The following SRGAP1 variants were observed in gnomAD, a reference collection of about 807,000 sequenced individuals.
SRGAP1 encodes SLIT-ROBO Rho GTPase activating protein 1, also known as SLIT-ROBO Rho GTPase-activating protein 1.
SRGAP1 carries 43 observed loss-of-function variants against 121.9 expected under a neutral mutation model. The ratio of observed to expected loss-of-function variants is 0.35; its 90% CI spans 0.28 to 0.46. The LOEUF is 0.46. Among genes scored for constraint, SRGAP1 ranks in the 20% least tolerant of loss-of-function variants. The probability of loss-of-function intolerance (pLI) is 1.00; values close to 1 mark genes in which losing one functional copy is unlikely to be tolerated. For missense variants in SRGAP1, 1,102 were observed against 1,350.9 expected (o/e 0.82, Z 2.89); for synonymous variants, 447 against 485.4 (o/e 0.92, Z 1.04).
intron 1 of SRGAP1, among the ~76,000 whole-genome samples, chr12:63,925,986 C>T (rs1176230973): frequency 1.3e-5 from 2 of 152,148 alleles, no homozygotes; most frequent in Non-Finnish European, 2.9e-5. Context: ...TCCCTTATTG[C>T]AGGTGAAAAA....
chr12:64,028,287 T>G (rs576863347), intron 4 of SRGAP1, among the ~76,000 whole-genome samples: 2 of 152,372 alleles, frequency 1.3e-5, no homozygotes, highest in Non-Finnish European at 2.9e-5. Flanking sequence ...GTATGAAAAC[T>G]GCTTTTGAAA....
intron 6 of SRGAP1, among the ~76,000 whole-genome samples, chr12:64,056,382 G>A (rs113379843): frequency 9.8e-4 from 149 of 151,714 alleles, no homozygotes; most frequent in Non-Finnish European, 1.7e-3. Flanking sequence ...GCAAAACCCC[G>A]TCTCTAATAA....
intron 1 of SRGAP1, among the ~76,000 whole-genome samples, chr12:63,920,895 GT>G (rs942788293): frequency 6.6e-6 from 1 of 152,122 alleles, no homozygotes; most frequent in Non-Finnish European, 1.5e-5. Flanking sequence ...AAAATGAAAA[GT>G]TTTTTTAATA....
intron 21 of SRGAP1, among the ~76,000 whole-genome samples, chr12:64,137,034 C>G (rs1044246592): frequency 7.9e-5 from 12 of 151,986 alleles, no homozygotes; most frequent in Admixed American, 7.2e-4. Context: ...GAGGCTGAGG[C>G]GCATGGATCA....
chr12:64,066,165 C>T (rs1449085675), intron 8 of SRGAP1, among the ~76,000 whole-genome samples: 1 of 152,228 alleles, frequency 6.6e-6, no homozygotes, highest in African/African-American at 2.4e-5. Context: ...TCAGGACTCT[C>T]TCTTTATCAC....
intron 19 of SRGAP1, among the ~76,000 whole-genome samples, chr12:64,126,413 A>G (rs1353093386): frequency 6.6e-6 from 1 of 152,172 alleles, no homozygotes; most frequent in African/African-American, 2.4e-5. Flanking sequence ...TATGCATAGA[A>G]TGGTGTTAAG....
chr12:64,072,108 C>CTGTGTGTGTGTGTGTGTGTGTGTGTG (rs66959510), intron 8 of SRGAP1, among the ~76,000 whole-genome samples: 1 of 80,366 alleles, frequency 1.2e-5, no homozygotes, highest in African/African-American at 4.6e-5. Flanking sequence ...CAATCTCTCT[C>CTGTGTGTGTGTGTGTGTGTGTGTGTG]TGTGTGTGTG....
At chr12:64,036,275 T>G (rs1446574670) in intron 4 of SRGAP1, among the ~76,000 whole-genome samples, 2 of 152,146 alleles carry the variant, frequency 1.3e-5, no homozygotes, top group African/African-American at 4.8e-5. Context: ...TTCCTGGGGT[T>G]CAGCTGAAGG....
rs3741607 is a variant in SRGAP1 at position 63,989,890 on chromosome 12, T to C, written c.264-20T>C. ...GCAACTTTGAAATGGGTGGTAATTC[T>C]GTGTTTCTTCACTTCTTAGGAAAGA... On this transcript the variant is annotated intron_variant, in intron 2 of 21. Transcript: ENST00000355086. 683,117 of 1,574,626 alleles carry C rather than the reference T, an allele frequency of 0.43. 149,779 individuals carry two copies. Among genetic ancestry groups the C allele is most frequent in the Admixed American group, 0.54 (27,804 of 51,894 alleles).
At chr12:63,997,404 A>G (rs954044283) in intron 3 of SRGAP1, among the ~76,000 whole-genome samples, 3 of 152,146 alleles carry the variant, frequency 2.0e-5, no homozygotes, top group Admixed American at 6.6e-5. Context: ...ATTCCTTAGA[A>G]TATGTCTCTG....
rs1357496305 is a variant in SRGAP1 at position 64,148,770 on chromosome 12, AATC to A, written c.*6101_*6103del. On this transcript the variant is annotated 3_prime_UTR_variant, in exon 22 of 22. Coordinates refer to ENST00000355086, the MANE Select transcript of SRGAP1 (RefSeq NM_020762.4). The stretch of plus-strand genomic sequence containing the variant: ...TGCAGAATACTAACAAAAGTGTGCA[AATC>A]ATTAGTGTAACAGTTCTCACGAGCT... 1 of 152,218 alleles carries A rather than the reference AATC, an allele frequency of 6.6e-6. No homozygotes were observed. The highest frequency in any genetic ancestry group is 1.5e-5 in the Non-Finnish European group (1 of 68,040). 9.4% of individuals were successfully genotyped at this position (152,218 alleles called of 1,614,324 possible). A position where few individuals can be genotyped will look rare whatever the true frequency, so the allele number is the denominator to read the frequency against.
At chr12:63,893,744 T>C (rs1190750723) in intron 1 of SRGAP1, among the ~76,000 whole-genome samples, 1 of 152,250 alleles carries the variant, frequency 6.6e-6, no homozygotes, top group Non-Finnish European at 1.5e-5. Context: ...TTTTAATGCA[T>C]TTTAATATCC....
At chr12:64,036,186 C>A (rs2034899794) in intron 4 of SRGAP1, among the ~76,000 whole-genome samples, 1 of 152,152 alleles carries the variant, frequency 6.6e-6, no homozygotes, top group African/African-American at 2.4e-5. Flanking sequence ...TGCCCACTAC[C>A]ACTGTCTCAA....
intron 4 of SRGAP1, among the ~76,000 whole-genome samples, chr12:64,028,431 G>C (rs1173905696): frequency 6.6e-6 from 1 of 152,240 alleles, no homozygotes. Context: ...GGCCTCTCAG[G>C]TGTGTGAGAA....
In SRGAP1 at chr12:64,159,742, G is replaced by A. The variant is rs1209193690; in HGVS notation, c.*17070G>A. ...AGCCTCCCGTTAAGATGGCAGAGCT[G>A]TAATGCTAGAAAAGCACAGACTGTT... On this transcript the variant is annotated 3_prime_UTR_variant, in exon 22 of 22. Transcript: ENST00000355086. 6.6e-6 allele frequency: 1 copy of A among 152,250 alleles called. No homozygotes were observed. The highest frequency in any genetic ancestry group is 2.4e-5 in the African/African-American group (1 of 41,464). The allele number at this position is 152,250 out of a possible 1,614,324, so 9.4% of individuals were successfully genotyped here. A position where few individuals can be genotyped will look rare whatever the true frequency, so the allele number is the denominator to read the frequency against.
chr12:63,987,344 A>C (rs1321841308), intron 2 of SRGAP1, among the ~76,000 whole-genome samples: 1 of 152,198 alleles, frequency 6.6e-6, no homozygotes, highest in Non-Finnish European at 1.5e-5. Context: ...GCTTCCCTGG[A>C]CTAAAAAAAG....
At chr12:64,085,370 T>C (rs2035919009) in intron 10 of SRGAP1, among the ~76,000 whole-genome samples, 1 of 152,216 alleles carries the variant, frequency 6.6e-6, no homozygotes, top group African/African-American at 2.4e-5. Context: ...TTAGACTTAA[T>C]GCTGTCATAA....
intron 1 of SRGAP1, among the ~76,000 whole-genome samples, chr12:63,972,218 A>T (rs937492031): frequency 6.6e-6 from 1 of 152,260 alleles, no homozygotes; most frequent in East Asian, 1.9e-4. Flanking sequence ...TAATAGAGGT[A>T]TAAAGAAAAT....
At chr12:64,095,943 T>C (rs1044904988) in intron 14 of SRGAP1, among the ~76,000 whole-genome samples, 1 of 152,170 alleles carries the variant, frequency 6.6e-6, no homozygotes. Context: ...CAGGCAGACC[T>C]AGAATCATAT....
Sources: allele counts gnomAD v4.1 joint callset (sites outside exome capture counted in the v4.1 genomes callset), GRCh38; gene constraint gnomAD v4.1.1; transcripts MANE v1.5; gene names NCBI Gene and HGNC (gene_info 2026-07-23, HGNC 2026-07-21).